The following SAMD12 variants were observed in gnomAD, a reference collection of about 807,000 sequenced individuals.
SAMD12 encodes sterile alpha motif domain-containing protein 12.
SAMD12 carries 9 observed loss-of-function variants against 15.0 expected under a neutral mutation model. The ratio of observed to expected loss-of-function variants is 0.60; its 90% CI spans 0.36 to 1.05. The LOEUF is 1.05. SAMD12 is among the 50% of genes least tolerant of loss of function. The pLI, the probability that SAMD12 is intolerant of heterozygous loss-of-function variation, is 0.01. For missense variants in SAMD12, 230 were observed against 234.2 expected (o/e 0.98, Z 0.12); for synonymous variants, 86 against 90.1 (o/e 0.96, Z 0.25).
chr8:118,551,669 C>G (rs2131182599), intron 2 of SAMD12, among the ~76,000 whole-genome samples: 1 of 150,520 alleles, frequency 6.6e-6, no homozygotes, highest in South Asian at 2.1e-4. Flanking sequence ...CAAGAAATAA[C>G]TAAAATCAGA....
At chr8:118,168,759 G>A in the SAMD12 span, among the ~76,000 whole-genome samples, 5 of 152,026 alleles carry the variant, frequency 3.3e-5, no homozygotes, top group South Asian at 2.1e-4. Flanking sequence ...TCAACTGACC[G>A]GTAGGATTTT....
At chr8:118,338,804 A>C (rs1250706360) in intron 4 of SAMD12, among the ~76,000 whole-genome samples, 1 of 152,184 alleles carries the variant, frequency 6.6e-6, no homozygotes, top group African/African-American at 2.4e-5. Flanking sequence ...ATCCCTACCT[A>C]ACAATTTCCT....
intron 2 of SAMD12, among the ~76,000 whole-genome samples, chr8:118,490,828 G>C (rs1824421641): frequency 1.3e-5 from 2 of 152,114 alleles, no homozygotes; most frequent in African/African-American, 4.8e-5. Flanking sequence ...CTCTTGGCCA[G>C]AGTTTATCTG....
chr8:118,242,946 C>A (rs1224912861), intron 4 of SAMD12, among the ~76,000 whole-genome samples: 1 of 152,156 alleles, frequency 6.6e-6, no homozygotes, highest in Non-Finnish European at 1.5e-5. Flanking sequence ...CCCATCTGGG[C>A]TACAATCTGG....
chr8:118,251,118 G>A (rs1239227720), intron 4 of SAMD12, among the ~76,000 whole-genome samples: 2 of 152,134 alleles, frequency 1.3e-5, no homozygotes, highest in Admixed American at 6.6e-5. Context: ...GCATAGGGGT[G>A]CCGTGAGTGA....
chr8:118,276,620 GATTT>G (rs1813480568), intron 4 of SAMD12, among the ~76,000 whole-genome samples: 2 of 152,134 alleles, frequency 1.3e-5, no homozygotes, highest in African/African-American at 4.8e-5. Flanking sequence ...GAAATATCTG[GATTT>G]GTTTTTACAA....
rs73319323 is a variant in SAMD12 at position 118,545,943 on chromosome 8, C to A, written c.192+34772G>T. Reference sequence around the variant, plus strand: ...CAACTGCAAAGCCAGAGCCCAGGTACTGCCTTCAGTTACTCCACAGAGCTT... The same window carrying A: ...CAACTGCAAAGCCAGAGCCCAGGTAATGCCTTCAGTTACTCCACAGAGCTT... On this transcript the variant is annotated intron_variant, in intron 2 of 3. Transcript: ENST00000314727. 9.7e-3 allele frequency among the ~76,000 whole-genome samples: 1,483 copies of A among 152,282 alleles called. 32 individuals carry two copies. Among genetic ancestry groups the A allele is most frequent in the African/African-American group, 0.034 (1,398 of 41,536 alleles).
chr8:118,298,720 T>C (rs1306513406), intron 4 of SAMD12, among the ~76,000 whole-genome samples: 1 of 152,154 alleles, frequency 6.6e-6, no homozygotes. Flanking sequence ...TAACAAAAAT[T>C]GCAAGCAACA....
intron 2 of SAMD12, among the ~76,000 whole-genome samples, chr8:118,476,326 T>G (rs1441020969): frequency 6.6e-6 from 1 of 152,230 alleles, no homozygotes. Context: ...GATTCTCATC[T>G]TTAGACAGAG....
At chr8:118,377,195 G>A (rs564945066), downstream of SAMD12, among the ~76,000 whole-genome samples, 4 of 152,106 alleles carry the variant, frequency 2.6e-5, no homozygotes, top group Admixed American at 1.3e-4. Flanking sequence ...CCAGGATTTC[G>A]AGACCAACCC....
At chr8:118,327,145 T>C (rs1048400778) in intron 4 of SAMD12, among the ~76,000 whole-genome samples, 5 of 152,248 alleles carry the variant, frequency 3.3e-5, no homozygotes, top group Non-Finnish European at 5.9e-5. Flanking sequence ...TGATTGATTT[T>C]TCAGGAGCAT....
rs184757314 is a variant in SAMD12, at chr8:118,548,984, C to T, written c.192+31731G>A. Among the ~76,000 whole-genome samples, 596 of 152,344 alleles carry T rather than the reference C, an allele frequency of 3.9e-3. 5 individuals carry two copies. The highest frequency in any genetic ancestry group is 0.014 in the African/African-American group (572 of 41,592). ...GCAGCCAGGCTGGGGGAGGGGCGCC[C>T]GCCATTGCGCAGGCTTGCTTAGGTA... On this transcript the variant is annotated intron_variant, in intron 2 of 3. Coordinates refer to ENST00000314727, the MANE Select transcript of SAMD12 (RefSeq NM_207506.3).
At chr8:118,360,164 C>T (rs1818418494) in intron 4 of SAMD12, among the ~76,000 whole-genome samples, 1 of 152,162 alleles carries the variant, frequency 6.6e-6, no homozygotes, top group Non-Finnish European at 1.5e-5. Context: ...CAACCTTTTC[C>T]TTCTAAGACC....
At chr8:118,424,445 C>A (rs1219194390) in intron 3 of SAMD12, among the ~76,000 whole-genome samples, 1 of 152,114 alleles carries the variant, frequency 6.6e-6, no homozygotes, top group South Asian at 2.1e-4. Flanking sequence ...GCGAAGGTCA[C>A]ACACCGTGAA....
At chr8:118,304,575 C>T (rs185522914) in intron 4 of SAMD12, among the ~76,000 whole-genome samples, 10 of 151,866 alleles carry the variant, frequency 6.6e-5, no homozygotes, top group Admixed American at 3.3e-4. Context: ...CTGGTTAACA[C>T]GGTGAAACCC....
At chr8:118,507,117 T>A (rs1824941537) in intron 2 of SAMD12, among the ~76,000 whole-genome samples, 1 of 152,072 alleles carries the variant, frequency 6.6e-6, no homozygotes, top group Admixed American at 6.6e-5. Flanking sequence ...GTCACTGCAT[T>A]CCATGAATTC....
At chr8:118,527,561 T>A (rs951782971) in intron 2 of SAMD12, among the ~76,000 whole-genome samples, 15 of 152,210 alleles carry the variant, frequency 9.9e-5, no homozygotes, top group African/African-American at 3.6e-4. Context: ...CTTTCTTTCT[T>A]TACTACATTA....
At chr8:118,512,580 G>A (rs1407464841) in intron 2 of SAMD12, among the ~76,000 whole-genome samples, 1 of 152,162 alleles carries the variant, frequency 6.6e-6, no homozygotes, top group Admixed American at 6.5e-5. Flanking sequence ...GAAATACTGA[G>A]TTTTCCATTT....
At chr8:118,362,628 T>C (rs1239283314) in intron 4 of SAMD12, among the ~76,000 whole-genome samples, 2 of 152,200 alleles carry the variant, frequency 1.3e-5, no homozygotes, top group Non-Finnish European at 2.9e-5. Context: ...ATTAGGTTTG[T>C]TTCTCTAATA....
Sources: gnomAD v4.1 joint callset for allele counts (sites outside exome capture counted in the v4.1 genomes callset) on GRCh38, gnomAD v4.1.1 for gene constraint, MANE v1.5 for transcripts, NCBI Gene and HGNC (gene_info 2026-07-23, HGNC 2026-07-21) for gene names.